FAF1: variants seen among roughly 807,000 people sequenced by gnomAD.
FAF1 encodes FAS-associated factor 1.
Under a neutral mutation model 92.5 loss-of-function variants are expected in FAF1, and 25 were observed. The ratio of observed to expected loss-of-function variants is 0.27; its 90% confidence interval spans 0.20 to 0.38. The LOEUF (loss-of-function observed/expected upper bound fraction) is 0.38, where lower values mean the gene tolerates loss of function less well. FAF1 is among the 10% of genes least tolerant of loss of function. The pLI is 1.00. For synonymous variants in FAF1, 234 were observed against 273.2 expected (o/e 0.86, Z 1.42); for missense variants, 636 against 793.3 (o/e 0.80, Z 2.38).
chr1:50,729,443 T>G (rs1658827501), intron 6 of FAF1, among the ~76,000 whole-genome samples: 1 of 151,824 alleles, frequency 6.6e-6, no homozygotes, highest in South Asian at 2.1e-4. Context: ...GGTATCAAGA[T>G]TATATGAACA....
At chr1:50,606,505 T>C (rs1652417209) in intron 8 of FAF1, among the ~76,000 whole-genome samples, 1 of 141,866 alleles carries the variant, frequency 7.0e-6, no homozygotes, top group Non-Finnish European at 1.5e-5. Flanking sequence ...TTTTTTTTTT[T>C]TTTTTTTTTT....
chr1:50,741,604 G>A (rs1659392224), intron 5 of FAF1, among the ~76,000 whole-genome samples: 2 of 152,236 alleles, frequency 1.3e-5, no homozygotes, highest in African/African-American at 4.8e-5. Flanking sequence ...CTCCAGACAA[G>A]AGATGCTCAT....
chr1:50,446,477 A>C (rs1295751829), intron 18 of FAF1, among the ~76,000 whole-genome samples: 1 of 152,242 alleles, frequency 6.6e-6, no homozygotes, highest in African/African-American at 2.4e-5. Context: ...TAAATGTTCC[A>C]AACTCTTAAA....
At chr1:50,673,717 C>T (rs1357852165) in intron 7 of FAF1, among the ~76,000 whole-genome samples, 2 of 152,020 alleles carry the variant, frequency 1.3e-5, no homozygotes, top group Admixed American at 1.3e-4. Flanking sequence ...ATAGAGAAAA[C>T]ATAAAATGCA....
chr1:50,755,852 T>C (rs1049500231), intron 4 of FAF1, among the ~76,000 whole-genome samples: 3 of 152,198 alleles, frequency 2.0e-5, no homozygotes, highest in Admixed American at 6.5e-5. Context: ...AAGCTCTGCA[T>C]TGACTCCTTT....
chr1:50,777,348 G>A (rs1314999708), intron 4 of FAF1, among the ~76,000 whole-genome samples: 1 of 152,038 alleles, frequency 6.6e-6, no homozygotes, highest in Non-Finnish European at 1.5e-5. Context: ...CTTGAGCCTA[G>A]GAGTTCAAGC....
At chr1:50,525,627 C>A (rs1422332041) in intron 15 of FAF1, among the ~76,000 whole-genome samples, 1 of 152,074 alleles carries the variant, frequency 6.6e-6, no homozygotes, top group Non-Finnish European at 1.5e-5. Flanking sequence ...TGCTTTTTTC[C>A]TGATCTTGGA....
chr1:50,960,167 C>G lies in FAF1; in HGVS notation c.-356G>C. On this transcript the variant is annotated 5_prime_UTR_variant, in exon 1 of 19. Coordinates refer to ENST00000396153, the MANE Select transcript of FAF1 (RefSeq NM_007051.3). ...CGGATACCTTCAGCGGCGTTAAGCC[C>G]GGCGGGGGCGGGGAAACCGAGCGAG... The G allele has an allele frequency of 3.3e-6, 1 of 306,544 alleles. No individual in the cohort carries two copies. 19.0% of individuals were successfully genotyped at this position (306,544 alleles called of 1,614,324 possible). A position where few individuals can be genotyped will look rare whatever the true frequency, so the allele number is the denominator to read the frequency against.
At chr1:50,476,894 CTGGTTCTT>C (rs1646645202) in intron 17 of FAF1, among the ~76,000 whole-genome samples, 1 of 152,030 alleles carries the variant, frequency 6.6e-6, no homozygotes, top group Non-Finnish European at 1.5e-5. Context: ...AGCTTATAAG[CTGGTTCTT>C]TGGAGGTAAT....
At chr1:50,459,409 G>GT (rs1397316195) in intron 18 of FAF1, among the ~76,000 whole-genome samples, 10 of 152,136 alleles carry the variant, frequency 6.6e-5, no homozygotes, top group African/African-American at 2.4e-4. Flanking sequence ...CTGCTAGAAA[G>GT]TACCACCTAG....
At chr1:50,516,922 T>G (rs2149027341) in intron 15 of FAF1, among the ~76,000 whole-genome samples, 1 of 152,332 alleles carries the variant, frequency 6.6e-6, no homozygotes, top group South Asian at 2.1e-4. Context: ...TTACAAAGTG[T>G]ATGTTCTTTG....
intron 15 of FAF1, among the ~76,000 whole-genome samples, chr1:50,519,573 A>C (rs892247390): frequency 7.2e-5 from 11 of 152,240 alleles, no homozygotes; most frequent in Non-Finnish European, 1.3e-4. Flanking sequence ...AACCTCTAAC[A>C]CATTTTGGTG....
intron 1 of FAF1, among the ~76,000 whole-genome samples, chr1:50,901,445 C>T (rs1644795295): frequency 6.6e-6 from 1 of 151,998 alleles, no homozygotes. Flanking sequence ...CCTGCAAGCC[C>T]AGCACTTTGG....
At chr1:50,629,884 C>T (rs1255451973) in intron 8 of FAF1, among the ~76,000 whole-genome samples, 1 of 152,050 alleles carries the variant, frequency 6.6e-6, no homozygotes, top group African/African-American at 2.4e-5. Flanking sequence ...CATGGAGAAA[C>T]CCCATCTCTA....
intron 1 of FAF1, among the ~76,000 whole-genome samples, chr1:50,947,961 T>C (rs1645183648): frequency 6.6e-6 from 1 of 152,010 alleles, no homozygotes; most frequent in South Asian, 2.1e-4. Context: ...TAGGAACAGA[T>C]GGTTAAGATC....
chr1:50,540,017 G>A (rs558948399), intron 13 of FAF1, among the ~76,000 whole-genome samples: 8 of 151,976 alleles, frequency 5.3e-5, no homozygotes, highest in Non-Finnish European at 1.2e-4. Context: ...TGTCACCCAG[G>A]CTGGAGTGCA....
At chr1:50,930,989 TATG>T (rs1319931452) in intron 1 of FAF1, among the ~76,000 whole-genome samples, 1 of 152,234 alleles carries the variant, frequency 6.6e-6, no homozygotes, top group African/African-American at 2.4e-5. Context: ...GCAGATTTGT[TATG>T]ATTAGTGTCT....
At chr1:50,939,898 A>G (rs1645116948) in intron 1 of FAF1, among the ~76,000 whole-genome samples, 7 of 152,156 alleles carry the variant, frequency 4.6e-5, no homozygotes, top group Admixed American at 4.6e-4. Flanking sequence ...TGTCAATAAA[A>G]GTACTTTTTT....
chr1:50,685,903 T>C (rs1283855499), intron 7 of FAF1, among the ~76,000 whole-genome samples: 1 of 152,208 alleles, frequency 6.6e-6, no homozygotes, highest in Non-Finnish European at 1.5e-5. Context: ...CCATTCTCCT[T>C]TCTAATGGAT....
Sources: gnomAD v4.1 joint callset for allele counts (sites outside exome capture counted in the v4.1 genomes callset) on GRCh38, gnomAD v4.1.1 for gene constraint, MANE v1.5 for transcripts, NCBI Gene and HGNC (gene_info 2026-07-23, HGNC 2026-07-21) for gene names.